Variants in PARVB observed in about 807,000 individuals in gnomAD.
The protein encoded by PARVB is beta-parvin.
PARVB carries 46 observed loss-of-function variants against 47.0 expected under a neutral mutation model. The ratio of observed to expected loss-of-function variants is 0.98; its 90% CI spans 0.77 to 1.25. The LOEUF is 1.25. Ranked by LOEUF, PARVB falls within the 50% of genes most tolerant of loss-of-function variation. The pLI, the probability that PARVB is intolerant of heterozygous loss-of-function variation, is 0.00. For missense variants in PARVB, 473 were observed against 471.6 expected, an observed-to-expected ratio of 1.00 and a Z score of -0.03; for synonymous variants, 196 against 196.3, an observed-to-expected ratio of 1.00 and a Z score of 0.01.
intron 2 of PARVB, among the ~76,000 whole-genome samples, chr22:44,003,246 G>A (rs2050430546): frequency 6.6e-6 from 1 of 152,212 alleles, no homozygotes; most frequent in Non-Finnish European, 1.5e-5. Context: ...TTGAGTCAGA[G>A]ACCCAAATAC....
chr22:44,072,176 GT>G (rs1309363516), intron 1 of PARVB, among the ~76,000 whole-genome samples: 1 of 152,226 alleles, frequency 6.6e-6, no homozygotes, highest in Non-Finnish European at 1.5e-5. Flanking sequence ...GTGAGCCATT[GT>G]TTCCAGATCT....
chr22:44,148,291 C>T (rs2053731089), intron 9 of PARVB: 5 of 340,282 alleles, frequency 1.5e-5, no homozygotes, highest in South Asian at 1.2e-4. Flanking sequence ...ACACGCAGGC[C>T]TGTGCGGCTG....
chr22:44,165,224 C>T (rs2054141339), intron 12 of PARVB, among the ~76,000 whole-genome samples: 1 of 152,210 alleles, frequency 6.6e-6, no homozygotes, highest in Non-Finnish European at 1.5e-5. Flanking sequence ...TCTCGAACTT[C>T]TGGGCTCAAG....
chr22:44,106,154 T>C (rs1210202639), intron 3 of PARVB: 1 of 148,428 alleles, frequency 6.7e-6, no homozygotes, highest in East Asian at 2.0e-4. Context: ...TTTTTTTTTT[T>C]TTTTTTTTTT....
intron 3 of PARVB, among the ~76,000 whole-genome samples, chr22:44,101,548 G>A (rs1223103800): frequency 3.3e-5 from 5 of 151,974 alleles, no homozygotes; most frequent in East Asian, 1.9e-4. Flanking sequence ...TGAGGAGTTC[G>A]AGACCAGCCT....
intron 2 of PARVB, among the ~76,000 whole-genome samples, chr22:44,016,366 G>C (rs1434706803): frequency 6.6e-6 from 1 of 152,126 alleles, no homozygotes; most frequent in Non-Finnish European, 1.5e-5. Flanking sequence ...AAAGTGCTGG[G>C]ATTACAGGCA....
intron 3 of PARVB, among the ~76,000 whole-genome samples, chr22:44,117,522 G>A (rs1041888549): frequency 6.6e-6 from 1 of 152,194 alleles, no homozygotes. Context: ...AGTTGGTGCT[G>A]TGCCCTGACC....
At chr22:44,015,487 A>G (rs1163316365) in intron 2 of PARVB, among the ~76,000 whole-genome samples, 1 of 152,186 alleles carries the variant, frequency 6.6e-6, no homozygotes, top group Non-Finnish European at 1.5e-5. Flanking sequence ...GAAACGAACA[A>G]CATGACACTG....
intron 3 of PARVB, chr22:44,115,476 A>T (rs2052860858): frequency 9.0e-6 from 1 of 110,726 alleles, no homozygotes; most frequent in African/African-American, 3.6e-5. Context: ...ACCAACACAG[A>T]TACATTGTTA....
intron 1 of PARVB, among the ~76,000 whole-genome samples, chr22:44,076,019 A>G (rs1256872700): frequency 3.3e-5 from 5 of 152,328 alleles, no homozygotes; most frequent in Non-Finnish European, 5.9e-5. Context: ...GGGGACCTGG[A>G]GCGCAAAGCA....
At chr22:44,042,688 G>A (rs570506562) in intron 1 of PARVB, among the ~76,000 whole-genome samples, 4 of 152,278 alleles carry the variant, frequency 2.6e-5, no homozygotes, top group South Asian at 2.1e-4. Flanking sequence ...TTGGAGCAGC[G>A]CAGGGAGAAT....
At chr22:44,058,261 C>T (rs1194248451) in intron 1 of PARVB, among the ~76,000 whole-genome samples, 3 of 152,152 alleles carry the variant, frequency 2.0e-5, no homozygotes, top group Non-Finnish European at 4.4e-5. Context: ...AGGGATCCTT[C>T]CTGACTCTCT....
intron 9 of PARVB, chr22:44,148,245 G>A (rs376801204): frequency 5.2e-6 from 2 of 382,684 alleles, no homozygotes; most frequent in East Asian, 6.1e-5. Flanking sequence ...TGCTGCTCTC[G>A]CTGGCCTCAT....
chr22:44,122,532 GAGAGAGAGAGAGAGAGAGAGAC>G (rs2053081639), intron 4 of PARVB, among the ~76,000 whole-genome samples: 1 of 97,330 alleles, frequency 1.0e-5, no homozygotes, highest in African/African-American at 5.6e-5. Context: ...GAGAGACAGA[GAGAGAGAGAGAGAGAGAGAGAC>G]ACAGAGACAG....
intron 7 of PARVB, among the ~76,000 whole-genome samples, 195 bp downstream of exon 7, chr22:44,136,713 A>G (rs1471714876): frequency 6.6e-6 from 1 of 152,150 alleles, no homozygotes; most frequent in Non-Finnish European, 1.5e-5. Context: ...AGAGTTTTTA[A>G]CATTAGAACT....
intron 2 of PARVB, among the ~76,000 whole-genome samples, chr22:44,097,788 G>A (rs1280520180): frequency 6.6e-6 from 1 of 152,214 alleles, no homozygotes; most frequent in Non-Finnish European, 1.5e-5. Flanking sequence ...TACCCCACGG[G>A]GACAGGTAAA....
intron 4 of PARVB, among the ~76,000 whole-genome samples, chr22:44,122,554 CACAGAGACAGAGAGAGAGAGAGAG>C (rs2053086412): frequency 5.9e-4 from 32 of 54,022 alleles, no homozygotes; most frequent in African/African-American, 1.6e-3. Context: ...GAGAGAGAGA[CACAGAGACAGAGAGAGAGAGAGAG>C]AGAGAGAGAG....
At chr22:44,047,554 G>A (rs979703589) in intron 1 of PARVB, among the ~76,000 whole-genome samples, 5 of 152,124 alleles carry the variant, frequency 3.3e-5, no homozygotes, top group Non-Finnish European at 7.4e-5. Context: ...CCAGCTATTT[G>A]GGAGGCTGAG....
rs1319490835 is a variant in PARVB at position 44,055,116 on chromosome 22, G to A, written c.112+30665G>A. 2.6e-5 allele frequency among the ~76,000 whole-genome samples: 4 copies of A among 151,200 alleles called. No individual in the cohort carries two copies. The East Asian group carries it at 7.8e-4, about 29-fold the overall frequency. On this transcript the variant is annotated intron_variant, in intron 1 of 12. Coordinates refer to ENST00000338758, the MANE Select transcript of PARVB (RefSeq NM_013327.5). The stretch of plus-strand genomic sequence containing the variant: ...AAATACATTACACATACAAAAGAGT[G>A]TACATATGTATAGTTTACTGACTAA...
Sources: allele counts gnomAD v4.1 joint callset (sites outside exome capture counted in the v4.1 genomes callset), GRCh38; gene constraint gnomAD v4.1.1; transcripts MANE v1.5; gene names NCBI Gene and HGNC (gene_info 2026-07-23, HGNC 2026-07-21).